The following TACC2 variants were observed in gnomAD, a reference collection of about 807,000 sequenced individuals.
The protein encoded by TACC2 is transforming acidic coiled-coil containing protein 2, also known as transforming acidic coiled-coil-containing protein 2.
Under a neutral mutation model 227.3 loss-of-function variants are expected in TACC2, and 137 were observed. The observed-to-expected ratio is 0.60, with a 90% CI of 0.52 to 0.69. TACC2 has a LOEUF of 0.69. Ranked by LOEUF, TACC2 falls within the 30% of genes least tolerant of loss-of-function variation. The probability of loss-of-function intolerance (pLI) is 0.00; values close to 1 mark genes in which losing one functional copy is unlikely to be tolerated. For missense variants in TACC2, 3,470 were observed against 3,694.4 expected (o/e 0.94, Z 1.57); for synonymous variants, 1,523 against 1,487.5 (o/e 1.02, Z -0.55).
At chr10:122,251,612 A>C (rs1188247311) in intron 22 of TACC2, among the ~76,000 whole-genome samples, 2 of 152,148 alleles carry the variant, frequency 1.3e-5, no homozygotes, top group Non-Finnish European at 2.9e-5. Flanking sequence ...AGGTGGGAGG[A>C]CTGCTGGAGC....
intron 5 of TACC2, among the ~76,000 whole-genome samples, chr10:122,100,257 C>A (rs1261044888): frequency 6.9e-6 from 1 of 144,474 alleles, no homozygotes; most frequent in Non-Finnish European, 1.5e-5. Context: ...GAGCGAGACT[C>A]TGTCTCAAAA....
chr10:122,213,422 A>G (rs1261965987), intron 9 of TACC2: 3 of 1,601,164 alleles, frequency 1.9e-6, no homozygotes, highest in Non-Finnish European at 2.6e-6. Flanking sequence ...AAATGTGCTT[A>G]TTTTTCTGCC....
intron 3 of TACC2, among the ~76,000 whole-genome samples, chr10:122,069,100 C>T (rs1565203767): frequency 2.0e-5 from 3 of 152,132 alleles, no homozygotes; most frequent in African/African-American, 4.8e-5. Flanking sequence ...CTGCAGCTGC[C>T]TCGGTCTCCC....
chr10:122,082,094 T>C (rs2079581595), intron 3 of TACC2, among the ~76,000 whole-genome samples: 2 of 152,094 alleles, frequency 1.3e-5, no homozygotes, highest in African/African-American at 2.4e-5. Flanking sequence ...GGTGGGAAGA[T>C]TGCTTGAGTT....
chr10:122,000,223 C>A (rs1168552801), intron 1 of TACC2, among the ~76,000 whole-genome samples: 3 of 152,066 alleles, frequency 2.0e-5, no homozygotes, highest in Non-Finnish European at 4.4e-5. Context: ...ACTAAAAATA[C>A]AAAAAATTAG....
chr10:122,254,059 C>T lies in TACC2; in HGVS notation c.*3C>T, dbSNP rs777028253. 2.4e-5 allele frequency: 38 copies of T among 1,613,822 alleles called. No homozygotes were observed. In the Middle Eastern group the frequency reaches 4.9e-4, roughly 21 times the overall value. On this transcript the variant is annotated 3_prime_UTR_variant, in exon 23 of 23. Coordinates refer to ENST00000369005, the MANE Select transcript of TACC2 (RefSeq NM_206862.4). Reference sequence around the variant, plus strand: ...TTGCCAAAATGGGGAAAAGCTAACTCTGAACCGAATGTTTTGGACTTAACT... The same window carrying T: ...TTGCCAAAATGGGGAAAAGCTAACTTTGAACCGAATGTTTTGGACTTAACT...
chr10:122,085,321 T>G lies in TACC2; in HGVS notation c.2821T>G (p.Leu941Val). The part of the protein sequence containing the change: ...SELSAPTRQK[L>V]PALGEKRPEG... ...ATTGTCAGCACCAACGAGACAGAAGTTGCCTGCACTAGGGGAGAAGCGGCC... is the reference window on the plus strand; with the variant it reads ...ATTGTCAGCACCAACGAGACAGAAGGTGCCTGCACTAGGGGAGAAGCGGCC... The change falls in exon 4 of 23, where the codon TTG (leucine) becomes GTG (valine). Residue 941 changes from leucine (L) to valine (V), a missense_variant. This residue lies in a region of TACC2 where 1,924 missense variants were observed against 1,978.3 expected (regional missense o/e 0.97). Transcript: ENST00000369005. 2 of 1,613,670 alleles carry G rather than the reference T, an allele frequency of 1.2e-6. No homozygotes were observed. The highest frequency in any genetic ancestry group is 1.3e-5 in the African/African-American group (1 of 74,908).
chr10:122,240,661 G>A (rs964864822), intron 18 of TACC2, among the ~76,000 whole-genome samples: 2 of 152,130 alleles, frequency 1.3e-5, no homozygotes, highest in African/African-American at 2.4e-5. Flanking sequence ...CCTCCTGACC[G>A]GGGTGGGGGT....
At chr10:121,993,341 G>A (rs1423917291) in intron 1 of TACC2, among the ~76,000 whole-genome samples, 2 of 152,088 alleles carry the variant, frequency 1.3e-5, no homozygotes, top group South Asian at 2.1e-4. Context: ...AAATATTTCC[G>A]ATGAAAATTA....
chr10:121,991,563 T>A (rs980524684), intron 1 of TACC2, among the ~76,000 whole-genome samples: 3 of 152,224 alleles, frequency 2.0e-5, no homozygotes, highest in South Asian at 2.1e-4. Context: ...TGGTCAAGAA[T>A]CATTTCAAAG....
intron 1 of TACC2, among the ~76,000 whole-genome samples, chr10:121,997,634 G>A (rs1485504394): frequency 2.0e-5 from 3 of 152,132 alleles, no homozygotes; most frequent in Non-Finnish European, 2.9e-5. Flanking sequence ...GCCTTCCAAC[G>A]TGGCTGCTCA....
At chr10:122,088,355 A>ATTTTTTTTT in intron 4 of TACC2, 123 bp from the exon 5 acceptor site, 1 of 779,356 alleles carries the variant, frequency 1.3e-6, no homozygotes. Flanking sequence ...TTTCCTAGGG[A>ATTTTTTTTT]TTTTTTTTTT....
chr10:122,222,669 G>A (rs2141264377), intron 11 of TACC2, among the ~76,000 whole-genome samples: 1 of 152,340 alleles, frequency 6.6e-6, no homozygotes, highest in Non-Finnish European at 1.5e-5. Flanking sequence ...GCCACCAGAA[G>A]AGCTGAGGTT....
chr10:122,086,740 A>G lies in TACC2; in HGVS notation c.4240A>G (p.Lys1414Glu). 6.2e-7 allele frequency: 1 copy of G among 1,613,954 alleles called. No individual in the cohort carries two copies. The change falls in exon 4 of 23, where the codon AAG (lysine) becomes GAG (glutamate). Residue 1414 changes from lysine to glutamate, a missense_variant. By Grantham distance (56) the Lys-to-Glu change is moderately conservative. This residue lies in a region of TACC2 where 1,924 missense variants were observed against 1,978.3 expected (regional missense o/e 0.97). Transcript: ENST00000369005. ...CCCAGACTTCAGGGAGCACATCGCC[A>G]AGATCTTCGAGAAGCCTGTGCTCGG... ...GFPDFREHIA[K>E]IFEKPVLGAL... is the part of the protein sequence containing the mutation.
chr10:122,140,935 C>G (rs1248027096), intron 6 of TACC2, among the ~76,000 whole-genome samples: 4 of 152,188 alleles, frequency 2.6e-5, no homozygotes, highest in African/African-American at 9.7e-5. Flanking sequence ...AGGACCTGAT[C>G]AGAACTTGAG....
intron 7 of TACC2, chr10:122,163,844 C>T: frequency 1.3e-6 from 2 of 1,488,520 alleles, no homozygotes; most frequent in South Asian, 1.3e-5. Context: ...CCGGCCGGCT[C>T]GCCCCGGCTC....
rs533509512 is a variant in TACC2, at chr10:122,131,736, G to A, written c.5574-873G>A. Among the ~76,000 whole-genome samples, 18 of 152,288 alleles carry A rather than the reference G, an allele frequency of 1.2e-4. No homozygotes were observed. In the South Asian group the frequency reaches 1.9e-3, roughly 16 times the overall value. ...GAACGTAGTCTATCAAATTGCTACA[G>A]AGGGGCCAGGCGTGGTGGCTCATGC... On this transcript the variant is annotated intron_variant, in intron 5 of 22. Coordinates refer to ENST00000369005, the MANE Select transcript of TACC2 (RefSeq NM_206862.4).
chr10:122,237,686 C>T, intron 17 of TACC2, 148 bp downstream of exon 17: 3 of 1,084,268 alleles, frequency 2.8e-6, no homozygotes, highest in Non-Finnish European at 3.9e-6. Context: ...TTTTGATCTT[C>T]CTAGACGCTA....
intron 6 of TACC2, among the ~76,000 whole-genome samples, chr10:122,138,673 C>T (rs909578452): frequency 6.6e-6 from 1 of 152,286 alleles, no homozygotes; most frequent in African/African-American, 2.4e-5. Flanking sequence ...CAGCACCCAG[C>T]GTGCTGAGTG....
Sources: gnomAD v4.1 joint callset for allele counts (sites outside exome capture counted in the v4.1 genomes callset) on GRCh38, gnomAD v4.1.1 for gene constraint, gnomAD v4.1.1 regional missense constraint, MANE v1.5 for transcripts, NCBI Gene and HGNC (gene_info 2026-07-23, HGNC 2026-07-21) for gene names.